EIF2AK3: variants seen among roughly 807,000 people sequenced by gnomAD.
The protein encoded by EIF2AK3 is eukaryotic translation initiation factor 2 alpha kinase 3, also known as eukaryotic translation initiation factor 2-alpha kinase 3.
A neutral mutation model predicts 113.5 loss-of-function variants in EIF2AK3; 50 were observed. That is an observed-to-expected ratio of 0.44 (90% CI 0.35 to 0.56). EIF2AK3 has a LOEUF of 0.56. Among genes scored for constraint, EIF2AK3 ranks in the 20% least tolerant of loss-of-function variants. The pLI, the probability that EIF2AK3 is intolerant of heterozygous loss-of-function variation, is 0.00. For synonymous variants in EIF2AK3, 448 were observed against 495.4 expected, an observed-to-expected ratio of 0.90 and a Z score of 1.27; for missense variants, 1,185 against 1,378.0, an observed-to-expected ratio of 0.86 and a Z score of 2.22.
chr2:88,626,413 T>C (rs1471346227), intron 1 of EIF2AK3, among the ~76,000 whole-genome samples: 1 of 152,176 alleles, frequency 6.6e-6, no homozygotes, highest in African/African-American at 2.4e-5. Flanking sequence ...TCAGTAAAAC[T>C]GGGGTAGGGC....
intron 2 of EIF2AK3, among the ~76,000 whole-genome samples, chr2:88,613,295 G>A (rs1192170119): frequency 2.6e-5 from 4 of 152,178 alleles, no homozygotes; most frequent in African/African-American, 9.7e-5. Context: ...AATTTCAGAT[G>A]AATTCTGCTT....
chr2:88,621,995 CAATT>C (rs973737696), intron 1 of EIF2AK3, among the ~76,000 whole-genome samples: 3 of 148,364 alleles, frequency 2.0e-5, no homozygotes, highest in African/African-American at 7.5e-5. Context: ...ATCCCGGGTT[CAATT>C]GATTATCCTG....
intron 2 of EIF2AK3, chr2:88,595,978 T>C (rs1167082637): frequency 2.4e-6 from 1 of 409,690 alleles, no homozygotes; most frequent in African/African-American, 2.0e-5. Flanking sequence ...CAAAAGAGAG[T>C]TTTATGATCA....
intron 2 of EIF2AK3, chr2:88,595,982 A>G (rs746052078): frequency 2.5e-6 from 1 of 405,642 alleles, no homozygotes; most frequent in Non-Finnish European, 4.5e-6. Context: ...AGAGAGTTTT[A>G]TGATCAAGTG....
At chr2:88,621,878 T>G (rs1326462819) in intron 1 of EIF2AK3, among the ~76,000 whole-genome samples, 1 of 150,368 alleles carries the variant, frequency 6.7e-6, no homozygotes, top group Non-Finnish European at 1.5e-5. Flanking sequence ...GAAAGTACCT[T>G]TTCTACTTTA....
At position 88,606,668 on chromosome 2, in the gene EIF2AK3, A is replaced by G. The variant is rs532624107; in HGVS notation, c.438+7056T>C. On this transcript the variant is annotated intron_variant, in intron 2 of 16. Coordinates refer to ENST00000303236, the MANE Select transcript of EIF2AK3 (RefSeq NM_004836.7). ...AAAAGAGATTACAGATCCTCTTTTA[A>G]TAAATACTTAAAAGGGTCTACTAAT... Among the ~76,000 whole-genome samples, 5 of 152,358 alleles carry G rather than the reference A, an allele frequency of 3.3e-5. No homozygotes were observed. In the South Asian group the frequency reaches 1.0e-3, roughly 32 times the overall value.
chr2:88,613,927 G>C, intron 1 of EIF2AK3, 74 bp from the exon 2 acceptor site: 1 of 1,387,904 alleles, frequency 7.2e-7, no homozygotes, highest in South Asian at 1.2e-5. Flanking sequence ...ATGCTCAAAA[G>C]AAAACCAGCC....
chr2:88,576,753 T>G, intron 11 of EIF2AK3, 50 bp from the exon 12 acceptor site: 1 of 1,597,620 alleles, frequency 6.3e-7, no homozygotes. Context: ...TTACACTGAT[T>G]TGATCTTTAC....
intron 15 of EIF2AK3, among the ~76,000 whole-genome samples, chr2:88,559,542 G>GTGTGTA (rs373719647): frequency 2.7e-5 from 4 of 150,096 alleles, no homozygotes; most frequent in Admixed American, 6.6e-5. Flanking sequence ...GTGTGTGTGT[G>GTGTGTA]TATGTACATT....
chr2:88,619,505 A>T (rs1158399851), intron 1 of EIF2AK3, among the ~76,000 whole-genome samples: 1 of 152,214 alleles, frequency 6.6e-6, no homozygotes, highest in Non-Finnish European at 1.5e-5. Flanking sequence ...CAGGCTCAGG[A>T]AACTTCTTTC....
At chr2:88,607,386 A>C (rs560042696) in intron 2 of EIF2AK3, among the ~76,000 whole-genome samples, 1 of 152,360 alleles carries the variant, frequency 6.6e-6, no homozygotes, top group East Asian at 1.9e-4. Context: ...CAAAAATATT[A>C]TGCTTAGAAC....
Position 88,575,018 on chromosome 2 carries a change from G to A in EIF2AK3, c.2465C>T (p.Pro822Leu), listed in dbSNP as rs551274166. 27 of 1,613,978 alleles carry A rather than the reference G, an allele frequency of 1.7e-5. No homozygotes were observed. Among genetic ancestry groups the A allele is most frequent in the East Asian group, 2.2e-5 (1 of 44,890 alleles). ...GCDNASSKEEPKTNRLHIGNH... is the reference protein window; with the variant it reads ...GCDNASSKEELKTNRLHIGNH... ...GCCAATATGCAATCGATTAGTTTTC[G>A]GCTCTTCTTTACTGGAAGCATTATC... Residue 822 changes from proline (P) to leucine (L), a missense_variant, in exon 13 of 17, where the codon CCG becomes CTG. Physicochemically the swap from Pro to Leu is moderately conservative, Grantham distance 98. Coordinates refer to ENST00000303236, the MANE Select transcript of EIF2AK3 (RefSeq NM_004836.7).
At chr2:88,589,440 A>G (rs930796635) in intron 6 of EIF2AK3, among the ~76,000 whole-genome samples, 5 of 152,194 alleles carry the variant, frequency 3.3e-5, no homozygotes, top group Admixed American at 6.5e-5. Flanking sequence ...AAAATTTATA[A>G]TATTAAAGGC....
At chr2:88,623,514 C>T (rs2103985535) in intron 1 of EIF2AK3, among the ~76,000 whole-genome samples, 1 of 152,186 alleles carries the variant, frequency 6.6e-6, no homozygotes, top group South Asian at 2.1e-4. Context: ...CAAAAGACAA[C>T]ATGCAAAAAT....
chr2:88,625,302 C>T (rs578121916), intron 1 of EIF2AK3, among the ~76,000 whole-genome samples: 4 of 147,966 alleles, frequency 2.7e-5, no homozygotes, highest in Middle Eastern at 3.4e-3. Context: ...CACACACACA[C>T]ACACACACAC....
At chr2:88,607,374 G>A (rs1410735907) in intron 2 of EIF2AK3, among the ~76,000 whole-genome samples, 1 of 152,128 alleles carries the variant, frequency 6.6e-6, no homozygotes, top group African/African-American at 2.4e-5. Context: ...ACTATTAACT[G>A]GCAAAAATAT....
At position 88,557,836 on chromosome 2, in the gene EIF2AK3, C is replaced by T. The variant is rs1454332345; in HGVS notation, c.3251G>A (p.Gly1084Glu). 1 of 1,613,976 alleles carries T rather than the reference C, an allele frequency of 6.2e-7. No individual in the cohort carries two copies. Among genetic ancestry groups the T allele is most frequent in the African/African-American group, 1.3e-5 (1 of 74,894 alleles). ...AGACCTCTGTCTGAGCACTGTTTTTCCTGGAAAGTCCAAGTCCTCAAATAC... is the reference window on the plus strand; with the variant it reads ...AGACCTCTGTCTGAGCACTGTTTTTTCTGGAAAGTCCAAGTCCTCAAATAC... ...NAVFEDLDFPGKTVLRQRSRS... is the reference protein window; with the variant it reads ...NAVFEDLDFPEKTVLRQRSRS... The change falls in exon 17 of 17, where the codon GGA (glycine) becomes GAA (glutamate). Residue 1084 changes from glycine (G) to glutamate (E), a missense_variant. This residue lies in a region of EIF2AK3 where 877 missense variants were observed against 1,024.2 expected (regional missense o/e 0.86). Transcript: ENST00000303236.
intron 2 of EIF2AK3, among the ~76,000 whole-genome samples, chr2:88,607,502 C>G (rs1675319380): frequency 6.6e-6 from 1 of 152,298 alleles, no homozygotes; most frequent in South Asian, 2.1e-4. Flanking sequence ...TGTATCCACA[C>G]TCTTTTCAGG....
intron 14 of EIF2AK3, among the ~76,000 whole-genome samples, chr2:88,564,389 G>A (rs1032992580): frequency 9.2e-5 from 14 of 152,176 alleles, no homozygotes; most frequent in Non-Finnish European, 1.6e-4. Flanking sequence ...AGAGGATTAA[G>A]AAGATAATTA....
Sources: gnomAD v4.1 joint callset for allele counts (sites outside exome capture counted in the v4.1 genomes callset) on GRCh38, gnomAD v4.1.1 for gene constraint, gnomAD v4.1.1 regional missense constraint, MANE v1.5 for transcripts, NCBI Gene and HGNC (gene_info 2026-07-23, HGNC 2026-07-21) for gene names.